Variants in CDC42BPG observed in about 807,000 individuals in gnomAD.
CDC42BPG encodes CDC42 binding protein kinase gamma.
In CDC42BPG, 157 loss-of-function variants were observed where a neutral mutation model predicts 192.2. The ratio of observed to expected loss-of-function variants is 0.82; its 90% CI spans 0.72 to 0.93. The LOEUF (loss-of-function observed/expected upper bound fraction) is 0.93. Among genes scored for constraint, CDC42BPG ranks in the 40% least tolerant of loss-of-function variants. CDC42BPG has a pLI of 0.00. For synonymous variants in CDC42BPG, 981 were observed against 918.5 expected, an observed-to-expected ratio of 1.07 and a Z score of -1.23; for missense variants, 1,992 against 2,122.1, an observed-to-expected ratio of 0.94 and a Z score of 1.20.
chr11:64,827,327 G>A lies in CDC42BPG; in HGVS notation c.4222C>T (p.Arg1408Cys). The A allele has an allele frequency of 6.2e-7, 1 of 1,614,062 alleles. No homozygotes were observed. The highest frequency in any genetic ancestry group is 8.5e-7 in the Non-Finnish European group (1 of 1,179,968). ...RRQLFRTKSK[R>C]RFFFRVSEEQ... ...TCCGACACGCGGAAAAAGAAGCGGC[G>A]CTTGCTCTTGGTGCGGAACAGCTGG... is the stretch of plus-strand genomic sequence containing the variant. The change falls in exon 33 of 37, where the codon CGC (arginine) becomes TGC (cysteine). Residue 1408 changes from arginine to cysteine, a missense_variant. Arg to Cys is a radical substitution (Grantham distance 180, BLOSUM62 -3). Transcript: ENST00000342711.
At chr11:64,830,686 C>T (rs1367724268) in intron 28 of CDC42BPG, among the ~76,000 whole-genome samples, 1 of 152,252 alleles carries the variant, frequency 6.6e-6, no homozygotes, top group Non-Finnish European at 1.5e-5. Context: ...AGAGCCGGGC[C>T]TGGCTCAGGG....
chr11:64,832,860 GT>G lies in CDC42BPG; in HGVS notation c.2830del (p.Thr944GlnfsTer30). 1 of 1,570,174 alleles carries G rather than the reference GT, an allele frequency of 6.4e-7. No individual in the cohort carries two copies. The highest frequency in any genetic ancestry group is 8.6e-7 in the Non-Finnish European group (1 of 1,157,790). On this transcript the variant is annotated frameshift_variant, in exon 25 of 37. Transcript: ENST00000342711. LOFTEE classifies it high-confidence loss of function. ...LRTALGVHPE[T>X]GTGTAYEGFL... ...GCCCTCATAGGCAGTGCCTGTGCCTGTTTCGGGGTGTACTCCCAGGGCTGTG... is the reference window on the plus strand; with the variant it reads ...GCCCTCATAGGCAGTGCCTGTGCCTGTTCGGGGTGTACTCCCAGGGCTGTG...
intron 8 of CDC42BPG, among the ~76,000 whole-genome samples, chr11:64,838,451 T>G (rs1328386487): frequency 2.0e-5 from 3 of 152,270 alleles, no homozygotes; most frequent in Non-Finnish European, 4.4e-5. Context: ...CTGTGGGAGA[T>G]GCTCCCCCAC....
At chr11:64,826,367 G>A (rs1320156029) in intron 36 of CDC42BPG, 103 bp downstream of exon 36, 28 of 797,232 alleles carry the variant, frequency 3.5e-5, no homozygotes, top group Non-Finnish European at 5.8e-5. Flanking sequence ...GCAGGGATGG[G>A]CTCAGCTTGT....
chr11:64,835,585 G>A lies in CDC42BPG; in HGVS notation c.1795C>T (p.Pro599Ser), dbSNP rs1211701340. 6.3e-7 allele frequency: 1 copy of A among 1,579,004 alleles called. No homozygotes were observed. The highest frequency in any genetic ancestry group is 1.1e-5 in the South Asian group (1 of 87,354). Residue 599 changes from proline (P) to serine (S), a missense_variant, in exon 15 of 37, where the codon CCC becomes TCC. Transcript: ENST00000342711. ...GCCTCCTGAGGCCCACCCTCAGGGG[G>A]TCCCATCCCGTTGGTCTCAGAGGCT... ...HTASETNGMGPPEGGPQEAQL... is the reference protein window; with the variant it reads ...HTASETNGMGSPEGGPQEAQL...
intron 3 of CDC42BPG, 82 bp downstream of exon 3, chr11:64,841,568 C>A: frequency 8.4e-7 from 1 of 1,189,210 alleles, no homozygotes; most frequent in Middle Eastern, 2.7e-4. Context: ...CCCGCCCCCC[C>A]CGCGCCATAG....
At chr11:64,843,585 GC>G (rs1245807436) in intron 1 of CDC42BPG, among the ~76,000 whole-genome samples, 1 of 152,136 alleles carries the variant, frequency 6.6e-6, no homozygotes, top group Non-Finnish European at 1.5e-5. Flanking sequence ...CCCCGCCCTG[GC>G]CAGGCCCCCG....
Position 64,827,517 on chromosome 11 carries a change from A to T in CDC42BPG, c.4150+10T>A. ...GGAACGCACACACCCGTACACACGC[A>T]CTCCCTCACCTGCCAGCTGGTTCCT... On this transcript the variant is annotated intron_variant, in intron 32 of 36. Transcript: ENST00000342711. The T allele has an allele frequency of 6.2e-7, 1 of 1,608,192 alleles. No homozygotes were observed. Among genetic ancestry groups the T allele is most frequent in the Non-Finnish European group, 8.5e-7 (1 of 1,176,824 alleles).
intron 36 of CDC42BPG, 30 bp from the exon 37 acceptor site, chr11:64,824,559 G>A (rs1253681820): frequency 1.3e-6 from 2 of 1,540,640 alleles, no homozygotes; most frequent in Non-Finnish European, 1.8e-6. Context: ...AAGTCAAGGG[G>A]TAGGATCAGG....
intron 27 of CDC42BPG, among the ~76,000 whole-genome samples, chr11:64,832,117 C>A (rs1056207899): frequency 1.3e-5 from 2 of 152,188 alleles, no homozygotes; most frequent in African/African-American, 4.8e-5. Flanking sequence ...AGGCACAGGG[C>A]GCCTTCAGAA....
chr11:64,826,411 T>C, intron 36 of CDC42BPG, 59 bp downstream of exon 36: 2 of 1,232,886 alleles, frequency 1.6e-6, no homozygotes, highest in Non-Finnish European at 2.3e-6. Context: ...AGGCCTAGCA[T>C]AAAACGGAAC....
intron 3 of CDC42BPG, 88 bp downstream of exon 3, chr11:64,841,562 C>G: frequency 5.2e-5 from 50 of 969,518 alleles, no homozygotes; most frequent in Middle Eastern, 3.3e-4. Context: ...GCCTTGCCCG[C>G]CCCCCCCGCG....
At position 64,829,797 on chromosome 11, in the gene CDC42BPG, G is replaced by A. The variant is rs751025247; in HGVS notation, c.3641C>T (p.Pro1214Leu). 2.5e-6 allele frequency: 4 copies of A among 1,601,454 alleles called. No homozygotes were observed. In the East Asian group the frequency reaches 9.0e-5, roughly 36 times the overall value. ...CAGCTCACGGATGCGGCGCTGCCAG[G>A]GCCCAGGGCCCGGGCCCAGCTGGTA... is the stretch of plus-strand genomic sequence containing the variant. ...LCYQLGPGPG[P>L]WQRRIRELQA... Residue 1214 changes from proline to leucine, a missense_variant, in exon 30 of 37, where the codon CCC (proline) becomes CTC (leucine). Pro to Leu is a moderately conservative substitution (Grantham distance 98, BLOSUM62 -3). Around this residue, in one of 2 missense-constraint regions of CDC42BPG, gnomAD observed 1,656 missense variants for 1,844.3 expected, o/e 0.90. Transcript: ENST00000342711.
At chr11:64,840,387 T>C in intron 4 of CDC42BPG, 119 bp from the exon 5 acceptor site, 2 of 1,378,158 alleles carry the variant, frequency 1.5e-6, no homozygotes, top group Non-Finnish European at 2.0e-6. Context: ...GGCTGGCCAG[T>C]TCCCAGCCAG....
intron 36 of CDC42BPG, among the ~76,000 whole-genome samples, chr11:64,825,615 G>T (rs1565666125): frequency 6.6e-6 from 1 of 152,218 alleles, no homozygotes; most frequent in Non-Finnish European, 1.5e-5. Flanking sequence ...GTGGCCTGGT[G>T]TGACGGGAGT....
intron 28 of CDC42BPG, 194 bp from the exon 29 acceptor site, chr11:64,830,450 C>G: frequency 1.6e-6 from 1 of 615,420 alleles, no homozygotes; most frequent in Middle Eastern, 4.3e-4. Context: ...TGAGGCCCAT[C>G]ATCTTGAGCT....
At position 64,842,476 on chromosome 11, in the gene CDC42BPG, C is replaced by G. The variant is rs188246095; in HGVS notation, c.161-572G>C. The stretch of plus-strand genomic sequence containing the variant: ...GGGAGGACAGGCTCTATGCTTCCCA[C>G]GTGGGGCCCCTCAGGCTGGAGGCAT... On this transcript the variant is annotated intron_variant, in intron 1 of 36. Coordinates refer to ENST00000342711, the MANE Select transcript of CDC42BPG (RefSeq NM_017525.3). Among the ~76,000 whole-genome samples the G allele has an allele frequency of 3.5e-3, 531 of 152,246 alleles. 2 individuals carry two copies. The highest frequency in any genetic ancestry group is 0.012 in the African/African-American group (488 of 41,534).
chr11:64,836,729 G>GGGGGC lies in CDC42BPG; in HGVS notation c.1384+9_1384+10insGCCCC. The GGGGGC allele has an allele frequency of 1.7e-6, 2 of 1,166,954 alleles. No homozygotes were observed. Among genetic ancestry groups the GGGGGC allele is most frequent in the Non-Finnish European group, 1.2e-6 (1 of 848,758 alleles). 72.3% of individuals were successfully genotyped at this position (1,166,954 alleles called of 1,614,324 possible). A position where few individuals can be genotyped will look rare whatever the true frequency, so the allele number is the denominator to read the frequency against. On this transcript the variant is annotated intron_variant, in intron 11 of 36. Coordinates refer to ENST00000342711, the MANE Select transcript of CDC42BPG (RefSeq NM_017525.3). ...CCTGGGGGGGGGGGGGGGGTGGGCG[G>GGGGGC]AAGGGATACCTGGCAGCCTGTCCCG...
chr11:64,833,022 C>G lies in CDC42BPG; in HGVS notation c.2732-63G>C, dbSNP rs903950839. On this transcript the variant is annotated intron_variant, in intron 24 of 36. Coordinates refer to ENST00000342711, the MANE Select transcript of CDC42BPG (RefSeq NM_017525.3). ...GGGAGGGGACAGCCCCAAACCAGGA[C>G]GGGGGCATGTCCAGAGCCAGCTTCC... is the stretch of plus-strand genomic sequence containing the variant. The G allele has an allele frequency of 2.0e-6, 3 of 1,478,894 alleles. No homozygotes were observed. In the African/African-American group the frequency reaches 4.2e-5, roughly 21 times the overall value. 91.6% of individuals were successfully genotyped at this position (1,478,894 alleles called of 1,614,324 possible).
Sources: allele counts gnomAD v4.1 joint callset (sites outside exome capture counted in the v4.1 genomes callset), GRCh38; gene constraint gnomAD v4.1.1; regional missense constraint gnomAD v4.1.1; transcripts MANE v1.5; gene names NCBI Gene and HGNC (gene_info 2026-07-23, HGNC 2026-07-21).